ADCY9: variants seen among roughly 807,000 people sequenced by gnomAD.
The protein encoded by ADCY9 is adenylate cyclase type 9.
ADCY9 carries 50 observed loss-of-function variants against 101.5 expected under a neutral mutation model. The ratio of observed to expected loss-of-function variants is 0.49; its 90% confidence interval spans 0.39 to 0.62. ADCY9 has a LOEUF of 0.62. ADCY9 is among the 20% of genes least tolerant of loss of function. The pLI is 0.00. For missense variants in ADCY9, 1,662 were observed against 1,800.4 expected (o/e 0.92, Z 1.39); for synonymous variants, 905 against 769.3 (o/e 1.18, Z -2.92).
At position 4,022,052 on chromosome 16, in the gene ADCY9, C is replaced by G. The variant is rs935566963; in HGVS notation, c.1694-14494G>C. Among the ~76,000 whole-genome samples, 3 of 152,214 alleles carry G rather than the reference C, an allele frequency of 2.0e-5. No individual in the cohort carries two copies. In the East Asian group the frequency reaches 5.8e-4, roughly 29 times the overall value. On this transcript the variant is annotated intron_variant, in intron 2 of 10. Transcript: ENST00000294016. The stretch of plus-strand genomic sequence containing the variant: ...AGACCATAAAGGACACCTCCAGCAG[C>G]TGACTAGCCTTCCCTCAGCCACCTT...
chr16:4,029,339 C>T (rs144867334), intron 2 of ADCY9, among the ~76,000 whole-genome samples: 185 of 152,144 alleles, frequency 1.2e-3, no homozygotes, highest in Non-Finnish European at 2.0e-3. Context: ...TTGACCATTT[C>T]GATCTACAAA....
chr16:4,036,131 G>C (rs948787581), intron 2 of ADCY9, among the ~76,000 whole-genome samples: 1 of 133,054 alleles, frequency 7.5e-6, no homozygotes, highest in African/African-American at 2.9e-5. Context: ...GAAGCTCCTT[G>C]TATCTTCCTA....
intron 2 of ADCY9, among the ~76,000 whole-genome samples, chr16:4,080,472 G>A (rs2056894809): frequency 6.6e-6 from 1 of 152,192 alleles, no homozygotes; most frequent in African/African-American, 2.4e-5. Flanking sequence ...GGCCAGGCTA[G>A]TCTCAAACTC....
intron 2 of ADCY9, among the ~76,000 whole-genome samples, chr16:4,018,971 T>TGTGTGTGTGTGTGTGTGTG (rs1567440030): frequency 0.013 from 95 of 7,224 alleles, no homozygotes; most frequent in African/African-American, 0.021. Context: ...GTGTGTGTGT[T>TGTGTGTGTGTGTGTGTGTG]TTGTTTTGTT....
At chr16:4,032,465 T>C (rs1156732662) in intron 2 of ADCY9, among the ~76,000 whole-genome samples, 2 of 151,828 alleles carry the variant, frequency 1.3e-5, no homozygotes, top group Admixed American at 1.3e-4. Context: ...CTTATAACAA[T>C]CAGATTGTAC....
chr16:3,983,735 C>T (rs750003800), intron 6 of ADCY9: 135 of 422,648 alleles, frequency 3.2e-4, no homozygotes, highest in Middle Eastern at 3.2e-3. Context: ...TCCCGGCCAG[C>T]GTAACACAGT....
intron 2 of ADCY9, among the ~76,000 whole-genome samples, chr16:4,056,122 T>C (rs992650895): frequency 3.3e-5 from 5 of 152,230 alleles, no homozygotes; most frequent in East Asian, 1.9e-4. Context: ...AGGTTGTCTA[T>C]AGAAAATTCT....
intron 2 of ADCY9, among the ~76,000 whole-genome samples, chr16:4,035,520 C>G (rs537243405): frequency 6.6e-6 from 1 of 152,158 alleles, no homozygotes; most frequent in African/African-American, 2.4e-5. Context: ...ACAAAACACA[C>G]GTGCACACAT....
intron 10 of ADCY9, among the ~76,000 whole-genome samples, chr16:3,972,377 C>G (rs2056059982): frequency 6.6e-6 from 1 of 151,728 alleles, no homozygotes; most frequent in Non-Finnish European, 1.5e-5. Flanking sequence ...TTACAGGTGC[C>G]CGCCACCACG....
At chr16:4,007,882 C>CA (rs2056378005) in intron 2 of ADCY9, among the ~76,000 whole-genome samples, 1 of 152,076 alleles carries the variant, frequency 6.6e-6, no homozygotes, top group Admixed American at 6.5e-5. Context: ...CCCGTGAAGG[C>CA]AGCAAAGCAG....
chr16:4,017,643 C>CAA (rs60693958), intron 2 of ADCY9, among the ~76,000 whole-genome samples: 12,225 of 86,998 alleles, frequency 0.14, 701 homozygotes, highest in East Asian at 0.36. Context: ...AACTCCTTCT[C>CAA]AAAAAAAAAA....
At chr16:3,986,813 G>A (rs1049720965) in intron 6 of ADCY9, among the ~76,000 whole-genome samples, 1 of 152,224 alleles carries the variant, frequency 6.6e-6, no homozygotes, top group Non-Finnish European at 1.5e-5. Context: ...GCCCAGGCTG[G>A]TCTATCTACT....
intron 2 of ADCY9, among the ~76,000 whole-genome samples, chr16:4,056,609 G>A (rs1027466389): frequency 2.6e-5 from 4 of 152,104 alleles, no homozygotes; most frequent in African/African-American, 7.2e-5. Context: ...AGTCCTCACT[G>A]TAAGAAGCAG....
chr16:4,102,967 C>T (rs889949304), intron 2 of ADCY9, among the ~76,000 whole-genome samples: 1 of 152,186 alleles, frequency 6.6e-6, no homozygotes, highest in Non-Finnish European at 1.5e-5. Context: ...GGTGATCCAC[C>T]CACCTCGGCC....
chr16:4,059,757 G>T (rs1159835417), intron 2 of ADCY9, among the ~76,000 whole-genome samples: 2 of 152,090 alleles, frequency 1.3e-5, no homozygotes, highest in African/African-American at 4.8e-5. Flanking sequence ...AGTCAGCCTG[G>T]CGTGGTGATG....
chr16:4,064,638 A>C (rs1019359808), intron 2 of ADCY9, among the ~76,000 whole-genome samples: 1 of 151,894 alleles, frequency 6.6e-6, no homozygotes, highest in Non-Finnish European at 1.5e-5. Context: ...ATGCCCAGCT[A>C]ATTTTTTTAA....
chr16:4,004,642 G>A (rs376954707), intron 3 of ADCY9, among the ~76,000 whole-genome samples: 16 of 152,256 alleles, frequency 1.1e-4, no homozygotes, highest in African/African-American at 3.6e-4. Context: ...TCGACACTTG[G>A]GAAATATTTA....
chr16:4,018,969 G>GTGTGTGTGTGTGTGTGTGTGTGT, intron 2 of ADCY9, among the ~76,000 whole-genome samples: 1 of 150,892 alleles, frequency 6.6e-6, no homozygotes, highest in Non-Finnish European at 1.5e-5. Context: ...GTGTGTGTGT[G>GTGTGTGTGTGTGTGTGTGTGTGT]TTTTGTTTTG....
At chr16:4,028,514 G>A (rs1196654324) in intron 2 of ADCY9, among the ~76,000 whole-genome samples, 3 of 152,142 alleles carry the variant, frequency 2.0e-5, no homozygotes, top group African/African-American at 4.8e-5. Flanking sequence ...CTACAATAGT[G>A]CATGATTCCA....
Sources: allele counts gnomAD v4.1 joint callset (sites outside exome capture counted in the v4.1 genomes callset), GRCh38; gene constraint gnomAD v4.1.1; transcripts MANE v1.5; gene names NCBI Gene and HGNC (gene_info 2026-07-23, HGNC 2026-07-21).